The following ANK3 variants were observed in gnomAD, a reference collection of about 807,000 sequenced individuals.
ANK3 encodes the protein ankyrin-3.
Under a neutral mutation model 370.9 loss-of-function variants are expected in ANK3, and 57 were observed. The ratio of observed to expected loss-of-function variants is 0.15; its 90% CI spans 0.12 to 0.19. ANK3 has a LOEUF of 0.19. Among genes scored for constraint, ANK3 ranks in the 10% least tolerant of loss-of-function variants. The pLI is 1.00. For missense variants in ANK3, 4,439 were observed against 5,302.1 expected, an observed-to-expected ratio of 0.84 and a Z score of 5.06; for synonymous variants, 1,929 against 1,946.3, an observed-to-expected ratio of 0.99 and a Z score of 0.23.
At chr10:60,493,143 C>T (rs1178255053) in intron 2 of ANK3, among the ~76,000 whole-genome samples, 2 of 150,842 alleles carry the variant, frequency 1.3e-5, no homozygotes, top group African/African-American at 4.9e-5. Context: ...GATGAGGGCA[C>T]TGGGAAAGGC....
intron 17 of ANK3, among the ~76,000 whole-genome samples, 175 bp from the exon 18 acceptor site, chr10:60,181,602 C>T (rs1396856787): frequency 6.6e-6 from 1 of 152,042 alleles, no homozygotes; most frequent in East Asian, 1.9e-4. Context: ...ATCACATGAG[C>T]CCATGAGTTT....
chr10:60,570,056 T>A (rs556865074), intron 2 of ANK3, among the ~76,000 whole-genome samples: 1 of 152,322 alleles, frequency 6.6e-6, no homozygotes, highest in South Asian at 2.1e-4. Flanking sequence ...AAATATTGTA[T>A]CCTTTTTCCA....
intron 1 of ANK3, among the ~76,000 whole-genome samples, chr10:60,662,604 CAT>C (rs901870940): frequency 2.6e-5 from 4 of 152,116 alleles, no homozygotes; most frequent in African/African-American, 9.7e-5. Flanking sequence ...TTAAAAGAAA[CAT>C]ATAAAATATA....
At chr10:60,089,686 A>G (rs1432602390) in intron 28 of ANK3, among the ~76,000 whole-genome samples, 1 of 152,166 alleles carries the variant, frequency 6.6e-6, no homozygotes, top group Admixed American at 6.5e-5. Context: ...CAGAAGTACA[A>G]TAATTAAACA....
At chr10:60,540,861 A>G (rs1196107396) in intron 2 of ANK3, among the ~76,000 whole-genome samples, 3 of 151,956 alleles carry the variant, frequency 2.0e-5, no homozygotes, top group African/African-American at 7.2e-5. Context: ...TAAAGGCTTC[A>G]GTTTTTTTAA....
At chr10:60,128,449 A>G (rs375534079) in intron 25 of ANK3, among the ~76,000 whole-genome samples, 2 of 150,808 alleles carry the variant, frequency 1.3e-5, no homozygotes, top group Non-Finnish European at 3.0e-5. Context: ...GCGCAATCTC[A>G]GCTCACCGCA....
At chr10:60,230,516 A>G (rs945505897) in intron 8 of ANK3, among the ~76,000 whole-genome samples, 1 of 152,248 alleles carries the variant, frequency 6.6e-6, no homozygotes, top group South Asian at 2.1e-4. Context: ...AACATGAGTT[A>G]ACAAGCCAGT....
intron 2 of ANK3, among the ~76,000 whole-genome samples, chr10:60,527,451 G>A (rs1288176643): frequency 6.6e-6 from 1 of 152,098 alleles, no homozygotes; most frequent in Admixed American, 6.6e-5. Flanking sequence ...ACACCCACAT[G>A]AGTTCTTAAT....
At chr10:60,498,633 C>G (rs547367099) in intron 2 of ANK3, among the ~76,000 whole-genome samples, 1 of 152,162 alleles carries the variant, frequency 6.6e-6, no homozygotes, top group African/African-American at 2.4e-5. Context: ...TCAAGTGATC[C>G]TCCCATCTTG....
chr10:60,329,704 T>C (rs2050747493), intron 1 of ANK3, among the ~76,000 whole-genome samples: 1 of 152,204 alleles, frequency 6.6e-6, no homozygotes, highest in Non-Finnish European at 1.5e-5. Context: ...AAAATGGCCA[T>C]ATTGCCCAAA....
chr10:60,684,818 T>A, intron 1 of ANK3: 2 of 1,533,454 alleles, frequency 1.3e-6, no homozygotes, highest in Admixed American at 1.7e-5. Context: ...TCTGTTGATA[T>A]CGAAAGGATG....
chr10:60,382,585 C>G (rs1213087481), intron 1 of ANK3, among the ~76,000 whole-genome samples: 1 of 152,050 alleles, frequency 6.6e-6, no homozygotes, highest in Admixed American at 6.6e-5. Context: ...AGAAAAAACT[C>G]TGACGTATAT....
chr10:60,064,010 A>T, intron 39 of ANK3, 147 bp downstream of exon 39: 1 of 669,252 alleles, frequency 1.5e-6, no homozygotes, highest in Non-Finnish European at 2.3e-6. Flanking sequence ...ACTTCAAAAG[A>T]CTTGCTATTA....
intron 2 of ANK3, among the ~76,000 whole-genome samples, chr10:60,598,500 T>C (rs1244252045): frequency 2.0e-5 from 3 of 152,166 alleles, no homozygotes; most frequent in Non-Finnish European, 4.4e-5. Flanking sequence ...AAAGATTACC[T>C]TGGAAATGTA....
At chr10:60,716,592 C>T (rs1257092853) in intron 1 of ANK3, among the ~76,000 whole-genome samples, 2 of 152,306 alleles carry the variant, frequency 1.3e-5, no homozygotes, top group Non-Finnish European at 2.9e-5. Flanking sequence ...CAGCTCACTG[C>T]AACCTCCACC....
chr10:60,596,399 T>C (rs948604413), intron 2 of ANK3, among the ~76,000 whole-genome samples: 6 of 152,178 alleles, frequency 3.9e-5, no homozygotes, highest in Non-Finnish European at 8.8e-5. Context: ...ATATTTTATA[T>C]GTCAAATATG....
intron 1 of ANK3, among the ~76,000 whole-genome samples, chr10:60,697,448 C>T (rs1272292285): frequency 6.6e-6 from 1 of 150,730 alleles, no homozygotes; most frequent in Non-Finnish European, 1.5e-5. Flanking sequence ...ATCGCCAAGT[C>T]AATCCTAAGC....
chr10:60,388,025 T>G (rs1487385748), intron 1 of ANK3, among the ~76,000 whole-genome samples: 2 of 152,114 alleles, frequency 1.3e-5, no homozygotes, highest in Non-Finnish European at 2.9e-5. Context: ...AGGGGGCAAG[T>G]GGTAGTGACC....
Position 60,534,514 on chromosome 10 carries a change from G to T in ANK3, c.96+80672C>A, listed in dbSNP as rs79731991. Among the ~76,000 whole-genome samples the T allele has an allele frequency of 2.6e-3, 401 of 152,106 alleles. 8 individuals are homozygous for T. The East Asian group carries it at 0.067, about 26-fold the overall frequency. ...ATATATATTTTTTCTAATTGAAGTTGCTTCAAAGGGTCCTATGCATAAAAT... is the reference window on the plus strand; with the variant it reads ...ATATATATTTTTTCTAATTGAAGTTTCTTCAAAGGGTCCTATGCATAAAAT... On this transcript the variant is annotated intron_variant, in intron 2 of 43. Transcript: ENST00000373827.
Sources: allele counts gnomAD v4.1 joint callset (sites outside exome capture counted in the v4.1 genomes callset), GRCh38; gene constraint gnomAD v4.1.1; transcripts MANE v1.5; gene names NCBI Gene and HGNC (gene_info 2026-07-23, HGNC 2026-07-21).